USF2: variants seen among roughly 807,000 people sequenced by gnomAD.
USF2 encodes upstream stimulatory factor 2.
Under a neutral mutation model 46.9 loss-of-function variants are expected in USF2, and 16 were observed. The observed-to-expected ratio is 0.34, with a 90% CI of 0.23 to 0.52. The LOEUF is 0.52. Ranked by LOEUF, USF2 falls within the 20% of genes least tolerant of loss-of-function variation. USF2 has a pLI of 0.96. For missense variants in USF2, 411 were observed against 474.0 expected (o/e 0.87, Z 1.23); for synonymous variants, 239 against 194.1 (o/e 1.23, Z -1.92).
intron 7 of USF2, 76 bp downstream of exon 7, chr19:35,271,217 A>T (rs1361484760): frequency 6.4e-7 from 1 of 1,570,996 alleles, no homozygotes; most frequent in East Asian, 2.2e-5. Flanking sequence ...GTGTGGAGTG[A>T]CAGAGAGAGA....
At chr19:35,274,558 C>T (rs1172209750) in intron 7 of USF2, among the ~76,000 whole-genome samples, 2 of 152,154 alleles carry the variant, frequency 1.3e-5, no homozygotes, top group African/African-American at 2.4e-5. Context: ...TTTGGGATTA[C>T]ATTTTGGCCA....
intron 7 of USF2, among the ~76,000 whole-genome samples, chr19:35,274,831 A>G (rs1416459867): frequency 4.6e-5 from 7 of 152,182 alleles, no homozygotes; most frequent in Non-Finnish European, 8.8e-5. Flanking sequence ...GGGGGCCCCC[A>G]GTGATCTGGG....
chr19:35,271,350 A>G (rs1020447502), intron 7 of USF2, among the ~76,000 whole-genome samples: 1 of 152,160 alleles, frequency 6.6e-6, no homozygotes, highest in Non-Finnish European at 1.5e-5. Flanking sequence ...GTGAATTGGA[A>G]CTGGCCATTT....
chr19:35,272,498 G>A (rs1365367153), intron 7 of USF2, among the ~76,000 whole-genome samples: 1 of 152,196 alleles, frequency 6.6e-6, no homozygotes, highest in Non-Finnish European at 1.5e-5. Context: ...GCCATGGTGT[G>A]TCTGCAGAAG....
At chr19:35,270,626 G>A (rs369306560) in intron 5 of USF2, 29 bp downstream of exon 5, 1 of 1,611,622 alleles carries the variant, frequency 6.2e-7, no homozygotes, top group Non-Finnish European at 8.5e-7. Flanking sequence ...ATTGGCAGGT[G>A]GGGGAGGCAA....
chr19:35,279,306 C>A lies in USF2; in HGVS notation c.*50C>A. ...CGCCGCCCACGCCGGCCTCTGCTGC[C>A]CCCTTCCCCAGCCCTTAGCACAGAG... On this transcript the variant is annotated 3_prime_UTR_variant, in exon 10 of 10. Transcript: ENST00000222305. 2.1e-6 allele frequency: 3 copies of A among 1,451,708 alleles called. No homozygotes were observed. Among genetic ancestry groups the A allele is most frequent in the Non-Finnish European group, 1.8e-6 (2 of 1,101,578 alleles). The allele number at this position is 1,451,708 out of a possible 1,614,324, so 89.9% of individuals were successfully genotyped here.
chr19:35,270,063 T>C (rs2066127437), intron 4 of USF2, 60 bp downstream of exon 4: 1 of 1,342,218 alleles, frequency 7.5e-7, no homozygotes. Context: ...ACACTGGCTC[T>C]GCTCTTGGGG....
chr19:35,279,271 A>AGCCACCACCG lies in USF2; in HGVS notation c.*15_*16insGCCACCACCG. 5 of 1,498,040 alleles carry AGCCACCACCG rather than the reference A, an allele frequency of 3.3e-6. No homozygotes were observed. Among genetic ancestry groups the AGCCACCACCG allele is most frequent in the Non-Finnish European group, 4.5e-6 (5 of 1,122,208 alleles). The allele number at this position is 1,498,040 out of a possible 1,614,324, so 92.8% of individuals were successfully genotyped here. A position where few individuals can be genotyped will look rare whatever the true frequency, so the allele number is the denominator to read the frequency against. On this transcript the variant is annotated 3_prime_UTR_variant, in exon 10 of 10. Coordinates refer to ENST00000222305, the MANE Select transcript of USF2 (RefSeq NM_003367.4). ...CCCGGCAGTGACGCCCGCCACCACC[A>AGCCACCACCG]CGCAGCCGCCGCCGCCCACGCCGGC... is the stretch of plus-strand genomic sequence containing the variant.
At chr19:35,271,338 G>C (rs1428813939) in intron 7 of USF2, among the ~76,000 whole-genome samples, 197 bp downstream of exon 7, 1 of 152,242 alleles carries the variant, frequency 6.6e-6, no homozygotes, top group African/African-American at 2.4e-5. Context: ...GGGACAGGGA[G>C]TGTGAATTGG....
At chr19:35,276,723 C>T (rs2066239200) in intron 7 of USF2, among the ~76,000 whole-genome samples, 1 of 152,230 alleles carries the variant, frequency 6.6e-6, no homozygotes. Context: ...TTTCCTGGAT[C>T]TCTGAGGATT....
chr19:35,270,031 G>C (rs994738877), intron 4 of USF2, 28 bp downstream of exon 4: 9 of 1,347,524 alleles, frequency 6.7e-6, no homozygotes, highest in Middle Eastern at 5.5e-4. Flanking sequence ...CCTGGGTGGG[G>C]GGGGGAGGGA....
At position 35,269,166 on chromosome 19, in the gene USF2, A is replaced by C; in HGVS notation, c.62+3A>C. ...GCCACCGCTGCTGCCGCCGCCAGGT[A>C]AGATCCCCGGCCCGGCCGTGCCCCC... On this transcript the variant is annotated splice_donor_region_variant and intron_variant, in intron 1 of 9. Coordinates refer to ENST00000222305, the MANE Select transcript of USF2 (RefSeq NM_003367.4). The C allele has an allele frequency of 9.9e-7, 1 of 1,006,276 alleles. No homozygotes were observed. The highest frequency in any genetic ancestry group is 1.2e-6 in the Non-Finnish European group (1 of 845,852). The allele number at this position is 1,006,276 out of a possible 1,614,324, so 62.3% of individuals were successfully genotyped here. A position where few individuals can be genotyped will look rare whatever the true frequency, so the allele number is the denominator to read the frequency against.
At chr19:35,272,914 T>C (rs2066178021) in intron 7 of USF2, among the ~76,000 whole-genome samples, 1 of 151,700 alleles carries the variant, frequency 6.6e-6, no homozygotes, top group Non-Finnish European at 1.5e-5. Context: ...TGGTGGGGCG[T>C]CAGGGTGGTT....
At chr19:35,274,661 G>T (rs759343547) in intron 7 of USF2, among the ~76,000 whole-genome samples, 1 of 152,230 alleles carries the variant, frequency 6.6e-6, no homozygotes, top group Non-Finnish European at 1.5e-5. Flanking sequence ...AAATTAGCCA[G>T]GCCTGGTGGT....
intron 7 of USF2, chr19:35,278,362 A>G (rs2066263166): frequency 3.7e-6 from 1 of 266,810 alleles, no homozygotes; most frequent in Non-Finnish European, 7.3e-6. Context: ...CAGTGATGCC[A>G]ATTACCATGA....
intron 7 of USF2, among the ~76,000 whole-genome samples, chr19:35,271,512 C>G (rs2066156510): frequency 1.3e-5 from 2 of 152,216 alleles, no homozygotes; most frequent in African/African-American, 4.8e-5. Context: ...TGCTCACATC[C>G]CGCACTCCCA....
chr19:35,270,603 G>T lies in USF2; in HGVS notation c.580+6G>T. On this transcript the variant is annotated splice_donor_region_variant and intron_variant, in intron 5 of 9. Transcript: ENST00000222305. ...CCAGAGCTTGCAGGCTGGAGGTGAGGAGTAGAAGTCAGATTGGCAGGTGGG... is the reference window on the plus strand; with the variant it reads ...CCAGAGCTTGCAGGCTGGAGGTGAGTAGTAGAAGTCAGATTGGCAGGTGGG... The T allele has an allele frequency of 6.2e-7, 1 of 1,613,212 alleles. No homozygotes were observed. The highest frequency in any genetic ancestry group is 8.5e-7 in the Non-Finnish European group (1 of 1,179,308).
At chr19:35,276,538 TGGA>T (rs1161700705) in intron 7 of USF2, among the ~76,000 whole-genome samples, 2 of 152,120 alleles carry the variant, frequency 1.3e-5, no homozygotes, top group Admixed American at 6.6e-5. Flanking sequence ...CCTGGGACTC[TGGA>T]GGAGGAGGAG....
chr19:35,269,535 G>A (rs1289207337), intron 2 of USF2, 43 bp downstream of exon 2: 1 of 1,550,764 alleles, frequency 6.4e-7, no homozygotes, highest in Non-Finnish European at 8.7e-7. Context: ...AGGGCTGGGG[G>A]CGCTCGGCGC....
Sources: gnomAD v4.1 joint callset for allele counts (sites outside exome capture counted in the v4.1 genomes callset) on GRCh38, gnomAD v4.1.1 for gene constraint, MANE v1.5 for transcripts, NCBI Gene and HGNC (gene_info 2026-07-23, HGNC 2026-07-21) for gene names.